The following DNAAF1 variants were observed in gnomAD, a reference collection of about 807,000 sequenced individuals.
DNAAF1 encodes dynein assembly factor 1, axonemal.
DNAAF1 carries 65 observed loss-of-function variants against 71.1 expected under a neutral mutation model. The ratio of observed to expected loss-of-function variants is 0.91; its 90% CI spans 0.75 to 1.12. The LOEUF is 1.12. Ranked by LOEUF, DNAAF1 falls within the 50% of genes most tolerant of loss-of-function variation. The pLI, the probability that DNAAF1 is intolerant of heterozygous loss-of-function variation, is 0.00. For synonymous variants in DNAAF1, 414 were observed against 354.6 expected (o/e 1.17, Z -1.88); for missense variants, 1,178 against 899.8 (o/e 1.31, Z -3.96).
At chr16:84,173,545 A>G (rs2039733477) in intron 9 of DNAAF1, 3 of 984,698 alleles carry the variant, frequency 3.0e-6, no homozygotes, top group Non-Finnish European at 3.6e-6. Context: ...TAAAAAAAAG[A>G]AACAAAGGCC....
intron 8 of DNAAF1, among the ~76,000 whole-genome samples, chr16:84,170,785 T>C (rs934859111): frequency 3.3e-5 from 5 of 152,068 alleles, no homozygotes; most frequent in African/African-American, 9.7e-5. Context: ...TGAGCCAAGA[T>C]TGTGCCACTG....
chr16:84,154,917 G>A lies in DNAAF1; in HGVS notation c.574+119G>A, dbSNP rs1244810073. ...TGGTGTTTTTTTTTGTCTTTTTTTTGTTTTTTTTTGAGACAGAGTCTTGCT... is the reference window on the plus strand; with the variant it reads ...TGGTGTTTTTTTTTGTCTTTTTTTTATTTTTTTTTGAGACAGAGTCTTGCT... On this transcript the variant is annotated intron_variant, in intron 4 of 11. Transcript: ENST00000378553. 5 of 902,892 alleles carry A rather than the reference G, an allele frequency of 5.5e-6. No homozygotes were observed. The Admixed American group carries it at 8.6e-5, about 16-fold the overall frequency. The allele number at this position is 902,892 out of a possible 1,614,324, so 55.9% of individuals were successfully genotyped here.
chr16:84,172,542 C>T (rs2088419895), intron 9 of DNAAF1, 167 bp downstream of exon 9: 5 of 1,445,774 alleles, frequency 3.5e-6, no homozygotes, highest in Non-Finnish European at 4.6e-6. Context: ...CAGGCCTCAC[C>T]CCAGGCCCAC....
At position 84,154,786 on chromosome 16, in the gene DNAAF1, A is replaced by G. The variant is rs1029283292; in HGVS notation, c.562A>G (p.Ile188Val). 1.2e-6 allele frequency: 2 copies of G among 1,613,898 alleles called. No homozygotes were observed. The highest frequency in any genetic ancestry group is 2.2e-5 in the East Asian group (1 of 44,880). Residue 188 changes from isoleucine to valine, a missense_variant, in exon 4 of 12, where the codon ATT becomes GTT. Physicochemically the swap from Ile to Val is conservative, Grantham distance 29. Coordinates refer to ENST00000378553, the MANE Select transcript of DNAAF1 (RefSeq NM_178452.6). ...CCTCAGCAACAATTACATCAAGACC[A>G]TTGAAAACCTCTGTAAGGGTACCCA... ...LNLSNNYIKT[I>V]ENLSCLPVLN...
chr16:84,162,741 C>T (rs931877658), intron 6 of DNAAF1, among the ~76,000 whole-genome samples: 4 of 152,094 alleles, frequency 2.6e-5, no homozygotes, highest in African/African-American at 9.7e-5. Context: ...ATCGCTTGAA[C>T]CCGGGAGGCG....
intron 8 of DNAAF1, 149 bp downstream of exon 8, chr16:84,170,505 T>C: frequency 7.6e-7 from 1 of 1,320,192 alleles, no homozygotes; most frequent in Non-Finnish European, 1.1e-6. Context: ...TATCTTGTTT[T>C]CTAGAACAGG....
chr16:84,176,542 TCTGA>T (rs200927009), intron 11 of DNAAF1: 13,047 of 608,526 alleles, frequency 0.021, 225 homozygotes, highest in Middle Eastern at 0.042. Context: ...GGCAGCCGAG[TCTGA>T]CTGTGTGTGG....
chr16:84,176,432 C>A, intron 11 of DNAAF1, 133 bp downstream of exon 11: 1 of 1,346,984 alleles, frequency 7.4e-7, no homozygotes, highest in Non-Finnish European at 1.0e-6. Flanking sequence ...ACAGACCACA[C>A]AGATCCTCTG....
intron 6 of DNAAF1, among the ~76,000 whole-genome samples, chr16:84,162,755 G>T (rs2087773696): frequency 6.6e-6 from 1 of 152,002 alleles, no homozygotes; most frequent in Non-Finnish European, 1.5e-5. Flanking sequence ...GGAGGCGGAG[G>T]TTGTAGTGAG....
intron 1 of DNAAF1, among the ~76,000 whole-genome samples, chr16:84,146,114 A>G (rs2086892030): frequency 6.6e-6 from 1 of 151,938 alleles, no homozygotes; most frequent in Non-Finnish European, 1.5e-5. Flanking sequence ...CAAACAAACA[A>G]ACAAGCAAAC....
chr16:84,150,228 T>A (rs1422555268), intron 2 of DNAAF1, 23 bp from the exon 3 acceptor site: 4 of 1,564,162 alleles, frequency 2.6e-6, no homozygotes, highest in Non-Finnish European at 3.5e-6. Context: ...AATAAGCTTA[T>A]TCATATTTTT....
intron 5 of DNAAF1, among the ~76,000 whole-genome samples, chr16:84,156,255 G>A (rs2087422430): frequency 1.3e-5 from 2 of 152,210 alleles, no homozygotes; most frequent in South Asian, 4.1e-4. Context: ...GAGCCATTGT[G>A]CCCAACCACC....
intron 7 of DNAAF1, among the ~76,000 whole-genome samples, chr16:84,167,571 A>G (rs897437335): frequency 1.3e-5 from 2 of 152,348 alleles, no homozygotes; most frequent in Middle Eastern, 3.4e-3. Flanking sequence ...GCTCTGTGTC[A>G]GGAAACTGGG....
intron 9 of DNAAF1, chr16:84,172,781 A>G: frequency 1.8e-6 from 2 of 1,085,268 alleles, no homozygotes; most frequent in Non-Finnish European, 2.2e-6. Context: ...TATACATTGT[A>G]TCTTTTCCCC....
intron 7 of DNAAF1, 81 bp from the exon 8 acceptor site, chr16:84,169,778 C>T: frequency 6.3e-7 from 1 of 1,583,526 alleles, no homozygotes; most frequent in South Asian, 1.1e-5. Flanking sequence ...CAGAAGTTTG[C>T]TGTGAGCCCT....
chr16:84,166,080 C>G lies in DNAAF1; in HGVS notation c.1030+131C>G, dbSNP rs76516430. On this transcript the variant is annotated intron_variant, in intron 7 of 11. Transcript: ENST00000378553. Reference sequence around the variant, plus strand: ...TTTTTTTTTTAGACAGAGTCTTGCTCTGTCACTGAGGTTGCAAAGTTGGAG... The same window carrying G: ...TTTTTTTTTTAGACAGAGTCTTGCTGTGTCACTGAGGTTGCAAAGTTGGAG... 320 of 1,290,046 alleles carry G rather than the reference C, an allele frequency of 2.5e-4. 2 individuals carry two copies. In the East Asian group the frequency reaches 7.6e-3, roughly 31 times the overall value. The allele number at this position is 1,290,046 out of a possible 1,614,324, so 79.9% of individuals were successfully genotyped here.
intron 4 of DNAAF1, 133 bp downstream of exon 4, chr16:84,154,931 C>G (rs1314599703): frequency 2.5e-6 from 2 of 815,218 alleles, no homozygotes; most frequent in Non-Finnish European, 4.0e-6. Context: ...TTTTTTGAGA[C>G]AGAGTCTTGC....
At position 84,165,897 on chromosome 16, in the gene DNAAF1, G is replaced by A. The variant is rs753194279; in HGVS notation, c.978G>A (p.Met326Ile). The A allele has an allele frequency of 1.9e-6, 3 of 1,613,666 alleles. No homozygotes were observed. Among genetic ancestry groups the A allele is most frequent in the Non-Finnish European group, 1.7e-6 (2 of 1,179,962 alleles). ...CAGACAGCATTGAAGCCTTGGCCAT[G>A]ATCAAGCAGCGGGCAGAGGAGAGGA... ...KITDSIEALA[M>I]IKQRAEERKR... Residue 326 changes from methionine (M) to isoleucine (I), a missense_variant, in exon 7 of 12, where the codon ATG (methionine) becomes ATA (isoleucine). Physicochemically the swap from Met to Ile is conservative, Grantham distance 10. Coordinates refer to ENST00000378553, the MANE Select transcript of DNAAF1 (RefSeq NM_178452.6).
At chr16:84,148,414 G>A (rs757625959) in intron 1 of DNAAF1, among the ~76,000 whole-genome samples, 11 of 151,586 alleles carry the variant, frequency 7.3e-5, no homozygotes, top group African/African-American at 1.9e-4. Flanking sequence ...GGACATTTAC[G>A]TTGTTAACAG....
Sources: allele counts gnomAD v4.1 joint callset (sites outside exome capture counted in the v4.1 genomes callset), GRCh38; gene constraint gnomAD v4.1.1; transcripts MANE v1.5; gene names NCBI Gene and HGNC (gene_info 2026-07-23, HGNC 2026-07-21).